Variants in GYPC observed in about 807,000 individuals in gnomAD.
The protein encoded by GYPC is glycophorin C (Gerbich blood group), also known as glycophorin-C.
GYPC carries 14 observed loss-of-function variants against 12.6 expected under a neutral mutation model. That is an observed-to-expected ratio of 1.11 (90% CI 0.74 to 1.74). The LOEUF is 1.74. Among genes scored for constraint, GYPC ranks in the 40% most tolerant of loss-of-function variants. The pLI, the probability that GYPC is intolerant of heterozygous loss-of-function variation, is 0.00. For missense variants in GYPC, 225 were observed against 172.1 expected (o/e 1.31, Z -1.72); for synonymous variants, 78 against 62.1 (o/e 1.26, Z -1.20).
intron 2 of GYPC, 31 bp downstream of exon 2, chr2:126,690,342 T>C: frequency 1.3e-6 from 2 of 1,523,468 alleles, no homozygotes; most frequent in Non-Finnish European, 1.8e-6. Context: ...CTCACCATAA[T>C]GGAAACTGCC....
At chr2:126,659,221 TCTTA>T (rs1223631293) in intron 1 of GYPC, among the ~76,000 whole-genome samples, 8 of 152,236 alleles carry the variant, frequency 5.3e-5, no homozygotes, top group Non-Finnish European at 1.2e-4. Context: ...GAGCATGTTT[TCTTA>T]CTTCCATAAG....
chr2:126,687,030 C>A (rs1178084705), intron 1 of GYPC, among the ~76,000 whole-genome samples: 2 of 152,140 alleles, frequency 1.3e-5, no homozygotes, highest in African/African-American at 4.8e-5. Flanking sequence ...TCTCCAAAGA[C>A]CTGATATCAC....
At chr2:126,668,348 C>T (rs575089482) in intron 1 of GYPC, among the ~76,000 whole-genome samples, 1 of 152,184 alleles carries the variant, frequency 6.6e-6, no homozygotes, top group East Asian at 1.9e-4. Flanking sequence ...GGCTCACTCC[C>T]GAGACAAGTT....
intron 1 of GYPC, among the ~76,000 whole-genome samples, 163 bp downstream of exon 1, chr2:126,656,475 C>G (rs1156805431): frequency 6.6e-6 from 1 of 152,198 alleles, no homozygotes; most frequent in East Asian, 1.9e-4. Context: ...ACTCCAGCCC[C>G]GGTTCCCCGG....
intron 1 of GYPC, among the ~76,000 whole-genome samples, chr2:126,684,246 A>G (rs904975843): frequency 1.3e-5 from 2 of 152,066 alleles, no homozygotes; most frequent in African/African-American, 4.8e-5. Context: ...GTTCACATCA[A>G]CCTCACCTGT....
chr2:126,673,866 C>T (rs1196846178), intron 1 of GYPC, among the ~76,000 whole-genome samples: 1 of 152,196 alleles, frequency 6.6e-6, no homozygotes, highest in Non-Finnish European at 1.5e-5. Context: ...AATGACACCT[C>T]TTAAATCCAG....
Position 126,693,922 on chromosome 2 carries a change from C to A in GYPC, c.165C>A (p.Thr55=). 1 of 1,611,080 alleles carries A rather than the reference C, an allele frequency of 6.2e-7. No individual in the cohort carries two copies. Among genetic ancestry groups the A allele is most frequent in the African/African-American group, 1.3e-5 (1 of 74,974 alleles). Reference sequence around the variant, plus strand: ...GCAGAATGGAGACCTCCACCCCCACCATAATGGACATTGTCGTCATTGCAG... The same window carrying A: ...GCAGAATGGAGACCTCCACCCCCACAATAATGGACATTGTCGTCATTGCAG... ...PDGRMETSTP[T]IMDIVVIAGV... Residue 55 remains threonine, a synonymous_variant, in exon 3 of 4, where the codon ACC becomes ACA. Transcript: ENST00000259254.
chr2:126,656,302 T>C lies in GYPC; in HGVS notation c.39T>C (p.Pro13=), dbSNP rs1483335963. 6.3e-7 allele frequency: 1 copy of C among 1,593,902 alleles called. No homozygotes were observed. Among genetic ancestry groups the C allele is most frequent in the South Asian group, 1.1e-5 (1 of 88,774 alleles). ...GAAGCCCCAACAGCACGGCGTGGCC[T>C]CTCAGCCTCGGTGAGTACCCGCCGT... is the stretch of plus-strand genomic sequence containing the variant. ...STRSPNSTAW[P]LSLEPDPGMA... The change falls in exon 1 of 4, where the codon CCT becomes CCC. Residue 13 remains proline (P), a synonymous_variant. Coordinates refer to ENST00000259254, the MANE Select transcript of GYPC (RefSeq NM_002101.5).
chr2:126,668,313 C>T (rs979151435), intron 1 of GYPC, among the ~76,000 whole-genome samples: 2 of 152,158 alleles, frequency 1.3e-5, no homozygotes, highest in African/African-American at 4.8e-5. Context: ...GGCCTGGTGG[C>T]CACACCCCCA....
At chr2:126,680,291 G>A (rs1170529044) in intron 1 of GYPC, 1 of 152,270 alleles carries the variant, frequency 6.6e-6, no homozygotes, top group Non-Finnish European at 1.5e-5. Flanking sequence ...GGAGGAGATG[G>A]AGAAAGATGA....
chr2:126,679,857 AG>A (rs1224524763), intron 1 of GYPC: 1 of 146,820 alleles, frequency 6.8e-6, no homozygotes, highest in African/African-American at 2.5e-5. Context: ...CTGGGCAACA[AG>A]AGTGAAAAAT....
At chr2:126,684,636 C>T (rs888244052) in intron 1 of GYPC, among the ~76,000 whole-genome samples, 3 of 152,194 alleles carry the variant, frequency 2.0e-5, no homozygotes, top group Non-Finnish European at 2.9e-5. Flanking sequence ...TTGTCCTTGT[C>T]GGTTACACAG....
At chr2:126,693,145 G>A (rs1251181130) in intron 2 of GYPC, among the ~76,000 whole-genome samples, 2 of 152,240 alleles carry the variant, frequency 1.3e-5, no homozygotes, top group African/African-American at 4.8e-5. Context: ...GAGTCACAGG[G>A]GCAGATCCCT....
At chr2:126,663,314 G>A (rs1373700704) in intron 1 of GYPC, among the ~76,000 whole-genome samples, 1 of 151,978 alleles carries the variant, frequency 6.6e-6, no homozygotes, top group Non-Finnish European at 1.5e-5. Flanking sequence ...GGGATTATAG[G>A]CATGAGCCAC....
At position 126,656,666 on chromosome 2, in the gene GYPC, T is replaced by G. The variant is rs1364419915; in HGVS notation, c.49+354T>G. On this transcript the variant is annotated intron_variant, in intron 1 of 3. Transcript: ENST00000259254. ...ATTGTCTCCCTAAAGAACAGTTAGG[T>G]GAGAGTTCACATCACAAGTTGCTTC... 1.3e-5 allele frequency among the ~76,000 whole-genome samples: 2 copies of G among 152,186 alleles called. 1 individual carries two copies. The highest frequency in any genetic ancestry group is 2.9e-5 in the Non-Finnish European group (2 of 68,038).
At chr2:126,678,027 C>T (rs1683055069) in intron 1 of GYPC, among the ~76,000 whole-genome samples, 1 of 152,198 alleles carries the variant, frequency 6.6e-6, no homozygotes, top group Admixed American at 6.5e-5. Flanking sequence ...CAAGACCATC[C>T]TGGCTAACAC....
intron 1 of GYPC, among the ~76,000 whole-genome samples, chr2:126,668,760 G>A (rs903521584): frequency 3.3e-5 from 5 of 152,310 alleles, no homozygotes; most frequent in African/African-American, 1.2e-4. Flanking sequence ...TGGCGTTATG[G>A]TGGTTCTCCC....
At chr2:126,678,555 G>A (rs769831509) in intron 1 of GYPC, 4 of 152,258 alleles carry the variant, frequency 2.6e-5, no homozygotes, top group South Asian at 2.1e-4. Context: ...GAGTTCTCAC[G>A]GAGCCCTCTC....
At position 126,693,938 on chromosome 2, in the gene GYPC, G is replaced by C. The variant is rs111631066; in HGVS notation, c.181G>C (p.Val61Leu). ...CACCCCCACCATAATGGACATTGTC[G>C]TCATTGCAGGTGAGCTCTCATCACA... The part of the protein sequence containing the change: ...TSTPTIMDIV[V>L]IAGVIAAVAI... The change falls in exon 3 of 4, where the codon GTC (valine) becomes CTC (leucine). Residue 61 changes from valine (V) to leucine (L), a missense_variant. Physicochemically the swap from Val to Leu is conservative, Grantham distance 32. Coordinates refer to ENST00000259254, the MANE Select transcript of GYPC (RefSeq NM_002101.5). The C allele has an allele frequency of 4.4e-6, 7 of 1,605,070 alleles. No individual in the cohort carries two copies. Among genetic ancestry groups the C allele is most frequent in the Non-Finnish European group, 5.1e-6 (6 of 1,171,948 alleles).
Sources: gnomAD v4.1 joint callset for allele counts (sites outside exome capture counted in the v4.1 genomes callset) on GRCh38, gnomAD v4.1.1 for gene constraint, MANE v1.5 for transcripts, NCBI Gene and HGNC (gene_info 2026-07-23, HGNC 2026-07-21) for gene names.